The following TJP1 variants were observed in gnomAD, a reference collection of about 807,000 sequenced individuals.
TJP1 encodes the protein tight junction protein 1.
In TJP1, 43 loss-of-function variants were observed where a neutral mutation model predicts 194.2. That is an observed-to-expected ratio of 0.22 (90% CI 0.17 to 0.29). TJP1 has a LOEUF of 0.29. TJP1 is among the 10% of genes least tolerant of loss of function. The pLI is 1.00. For missense variants in TJP1, 1,971 were observed against 2,185.7 expected, an observed-to-expected ratio of 0.90 and a Z score of 1.96; for synonymous variants, 801 against 779.0, an observed-to-expected ratio of 1.03 and a Z score of -0.47.
At chr15:29,804,093 T>G (rs1289881840) in intron 1 of TJP1, among the ~76,000 whole-genome samples, 4 of 152,072 alleles carry the variant, frequency 2.6e-5, no homozygotes, top group African/African-American at 4.8e-5. Flanking sequence ...ATGTCATCTC[T>G]CTCCATTCTC....
chr15:29,955,167 A>G (rs903307740), intron 2 of TJP1, among the ~76,000 whole-genome samples: 1 of 152,188 alleles, frequency 6.6e-6, no homozygotes, highest in African/African-American at 2.4e-5. Flanking sequence ...AAAAGACAGA[A>G]TTTAGTTTCA....
At chr15:29,828,844 C>T (rs979866657) in intron 2 of TJP1, among the ~76,000 whole-genome samples, 1 of 151,746 alleles carries the variant, frequency 6.6e-6, no homozygotes, top group Non-Finnish European at 1.5e-5. Context: ...AGAGATTCTC[C>T]TGCCTCAGCC....
intron 2 of TJP1, among the ~76,000 whole-genome samples, chr15:29,890,322 A>G (rs1413360378): frequency 6.6e-6 from 1 of 152,234 alleles, no homozygotes; most frequent in Non-Finnish European, 1.5e-5. Flanking sequence ...AGGAAACAGA[A>G]GCAGAGCCAC....
intron 2 of TJP1, among the ~76,000 whole-genome samples, chr15:29,923,650 G>T (rs1433997603): frequency 6.6e-6 from 1 of 152,192 alleles, no homozygotes; most frequent in African/African-American, 2.4e-5. Context: ...GACTTGGGAT[G>T]GAGGTAGTAG....
At chr15:29,746,432 C>CAGATTACAGAATACATAT (rs1255045795) in intron 8 of TJP1, among the ~76,000 whole-genome samples, 1 of 151,214 alleles carries the variant, frequency 6.6e-6, no homozygotes, top group Non-Finnish European at 1.5e-5. Context: ...ATAAGACACA[C>CAGATTACAGAATACATAT]AGATTACAGA....
intron 3 of TJP1, among the ~76,000 whole-genome samples, chr15:29,772,903 T>G (rs567665829): frequency 9.9e-4 from 150 of 152,234 alleles, no homozygotes; most frequent in Middle Eastern, 6.8e-3. Context: ...TAGCTGGGAC[T>G]GCAGGCACAA....
intron 2 of TJP1, among the ~76,000 whole-genome samples, chr15:29,949,480 AACC>A (rs1567225060): frequency 1.4e-4 from 2 of 14,118 alleles, no homozygotes; most frequent in Non-Finnish European, 2.7e-4. Flanking sequence ...CCACCTCCAC[AACC>A]ACCACCTCCA....
At chr15:29,901,243 C>T (rs948966221) in intron 2 of TJP1, among the ~76,000 whole-genome samples, 2 of 152,176 alleles carry the variant, frequency 1.3e-5, no homozygotes, top group African/African-American at 4.8e-5. Context: ...GATGTAGGCA[C>T]GACATCCTGA....
rs116157885 is a variant in TJP1, at chr15:29,836,583, T to G, written c.307-35881A>C. ...CTGCGCCCAGCCGGGATGATCAACT[T>G]TTAAAGAGTCAACCTGGGACACAGT... is the stretch of plus-strand genomic sequence containing the variant. On this transcript the variant is annotated intron_variant, in intron 2 of 28. Transcript: ENST00000356107. 4.4e-3 allele frequency among the ~76,000 whole-genome samples: 667 copies of G among 152,190 alleles called. 5 individuals carry two copies. The highest frequency in any genetic ancestry group is 0.015 in the African/African-American group (616 of 41,522).
chr15:29,942,907 A>G (rs979499946), intron 2 of TJP1, among the ~76,000 whole-genome samples: 26 of 152,286 alleles, frequency 1.7e-4, no homozygotes, highest in Admixed American at 1.5e-3. Context: ...TTTTAAGTGA[A>G]TACTCTCTGT....
intron 1 of TJP1, among the ~76,000 whole-genome samples, chr15:29,816,891 T>C (rs537129166): frequency 7.9e-5 from 12 of 152,292 alleles, no homozygotes; most frequent in South Asian, 4.1e-4. Context: ...ATTCAGGACA[T>C]AGGCATGGGC....
At chr15:29,956,117 T>G (rs2055931238) in intron 2 of TJP1, 1 of 968,552 alleles carries the variant, frequency 1.0e-6, no homozygotes. Context: ...GAACCATTTC[T>G]AAAATTAAAA....
chr15:29,887,242 A>G (rs894213646), intron 2 of TJP1, among the ~76,000 whole-genome samples: 11 of 148,568 alleles, frequency 7.4e-5, no homozygotes, highest in Non-Finnish European at 1.6e-4. Context: ...AAGGTAGAAA[A>G]ATATATTGTA....
In TJP1 at chr15:29,829,924, A is replaced by G. The variant is rs569004296; in HGVS notation, c.307-29222T>C. Among the ~76,000 whole-genome samples, 9 of 152,204 alleles carry G rather than the reference A, an allele frequency of 5.9e-5. No homozygotes were observed. In the South Asian group the frequency reaches 1.9e-3, roughly 32 times the overall value. ...AAGTAATAATGGTTACTTTTAGAGG[A>G]GACAGAGGGCAGCAATGATATGAGA... is the stretch of plus-strand genomic sequence containing the variant. On this transcript the variant is annotated intron_variant, in intron 2 of 28. Coordinates refer to the TJP1 transcript ENST00000356107.
At chr15:29,844,696 G>A (rs2051345742) in intron 2 of TJP1, among the ~76,000 whole-genome samples, 1 of 152,196 alleles carries the variant, frequency 6.6e-6, no homozygotes, top group Non-Finnish European at 1.5e-5. Context: ...GATGTCAGGA[G>A]CAAGTTTGGG....
intron 23 of TJP1, among the ~76,000 whole-genome samples, chr15:29,714,911 T>C (rs2042469134): frequency 1.3e-5 from 2 of 152,208 alleles, no homozygotes; most frequent in African/African-American, 4.8e-5. Context: ...ATCTTTAAAC[T>C]AAACACCTGA....
At chr15:29,717,478 C>A (rs1028544741) in intron 22 of TJP1, among the ~76,000 whole-genome samples, 15 of 152,074 alleles carry the variant, frequency 9.9e-5, no homozygotes, top group African/African-American at 3.4e-4. Flanking sequence ...AAAGCTCAGG[C>A]TGAGGAGCAG....
chr15:29,867,202 T>C (rs1314953628), intron 2 of TJP1, among the ~76,000 whole-genome samples: 1 of 152,238 alleles, frequency 6.6e-6, no homozygotes, highest in Non-Finnish European at 1.5e-5. Flanking sequence ...CCCATCGATG[T>C]TGAGCGAGAC....
At chr15:29,861,783 C>T (rs539840025) in intron 2 of TJP1, among the ~76,000 whole-genome samples, 20 of 152,226 alleles carry the variant, frequency 1.3e-4, no homozygotes, top group Admixed American at 2.0e-4. Context: ...TTAGGGAATA[C>T]GAAGAATGCC....
Sources: allele counts gnomAD v4.1 joint callset (sites outside exome capture counted in the v4.1 genomes callset), GRCh38; gene constraint gnomAD v4.1.1; transcripts MANE v1.5; gene names NCBI Gene and HGNC (gene_info 2026-07-23, HGNC 2026-07-21).